CENPH: variants seen among roughly 807,000 people sequenced by gnomAD.
CENPH encodes CENP-H.
CENPH carries 40 observed loss-of-function variants against 42.9 expected under a neutral mutation model. The ratio of observed to expected loss-of-function variants is 0.93; its 90% CI spans 0.72 to 1.21. The LOEUF (loss-of-function observed/expected upper bound fraction) is 1.21. CENPH is among the 50% of genes most tolerant of loss of function. CENPH has a pLI of 0.00. For synonymous variants in CENPH, 88 were observed against 96.5 expected, an observed-to-expected ratio of 0.91 and a Z score of 0.52; for missense variants, 302 against 292.9, an observed-to-expected ratio of 1.03 and a Z score of -0.23.
Position 69,189,660 on chromosome 5 carries a change from A to G in CENPH, c.26A>G (p.Asp9Gly). 1 of 1,601,150 alleles carries G rather than the reference A, an allele frequency of 6.2e-7. No individual in the cohort carries two copies. Among genetic ancestry groups the G allele is most frequent in the Non-Finnish European group, 8.5e-7 (1 of 1,175,850 alleles). MEEQPQMQDADEPADSGGE... is the reference protein window; with the variant it reads MEEQPQMQGADEPADSGGE... ...ATGGAGGAGCAGCCCCAGATGCAAG[A>G]CGCCGACGAGCCCGCGGACTCCGGA... The change falls in exon 1 of 9, where the codon GAC becomes GGC. Residue 9 changes from aspartate (D) to glycine (G), a missense_variant. By Grantham distance (94) the Asp-to-Gly change is moderately conservative (BLOSUM62 -1). Transcript: ENST00000283006.
intron 3 of CENPH, 129 bp from the exon 4 acceptor site, chr5:69,195,588 T>C (rs1580224669): frequency 1.6e-6 from 1 of 611,028 alleles, no homozygotes; most frequent in Non-Finnish European, 2.9e-6. Context: ...CATTGGTATA[T>C]TGAGCCTGTA....
Position 69,194,645 on chromosome 5 carries a change from A to G in CENPH, c.191-2A>G, listed in dbSNP as rs1390382768. ...TAACTTCAAAAAATTATTTATTTGC[A>G]GGTGAAGAAAAAACTCCAGAACAAA... On this transcript the variant is annotated splice_acceptor_variant, in intron 2 of 8. Coordinates refer to ENST00000283006, the MANE Select transcript of CENPH (RefSeq NM_022909.4). LOFTEE classifies it high-confidence loss of function. 1 of 1,561,146 alleles carries G rather than the reference A, an allele frequency of 6.4e-7. No homozygotes were observed.
chr5:69,200,878 C>T (rs998094657), intron 5 of CENPH, among the ~76,000 whole-genome samples: 14 of 151,620 alleles, frequency 9.2e-5, no homozygotes, highest in Non-Finnish European at 1.9e-4. Context: ...GCTGGGATTA[C>T]AGACACACAC....
In CENPH at chr5:69,197,084, C is replaced by T; in HGVS notation, c.346C>T (p.Leu116=). The T allele has an allele frequency of 1.3e-6, 2 of 1,580,452 alleles. No individual in the cohort carries two copies. The highest frequency in any genetic ancestry group is 1.7e-4 in the Middle Eastern group (1 of 5,908). Residue 116 remains leucine, a synonymous_variant, in exon 5 of 9, where the codon CTG becomes TTG. Transcript: ENST00000283006. ...ACTTTCAACTGCACTTAAAAAAAAC[C>T]TGGAGAAAATTAGCAGACAGTCTAG... ...MRLSTALKKN[L]EKISRQSSVL...
chr5:69,190,682 C>G (rs1289650928), intron 1 of CENPH, among the ~76,000 whole-genome samples: 7 of 152,152 alleles, frequency 4.6e-5, no homozygotes, highest in Non-Finnish European at 8.8e-5. Context: ...GAGTTCAAGA[C>G]CAGCCTGGCC....
intron 1 of CENPH, among the ~76,000 whole-genome samples, chr5:69,190,221 T>G (rs935836041): frequency 6.6e-6 from 1 of 152,218 alleles, no homozygotes; most frequent in Admixed American, 6.5e-5. Flanking sequence ...AAGCGGTTGC[T>G]GGGGAAGATT....
intron 2 of CENPH, among the ~76,000 whole-genome samples, chr5:69,192,985 A>T (rs958273592): frequency 7.5e-5 from 7 of 92,890 alleles, no homozygotes; most frequent in African/African-American, 3.6e-4. Context: ...AAGCTCAGCT[A>T]CTCGGGGAGG....
chr5:69,190,356 A>G (rs1030126034), intron 1 of CENPH, among the ~76,000 whole-genome samples: 1 of 152,200 alleles, frequency 6.6e-6, no homozygotes, highest in Non-Finnish European at 1.5e-5. Context: ...TAAGTGTTGC[A>G]GGGAAAAGAT....
intron 5 of CENPH, among the ~76,000 whole-genome samples, chr5:69,199,844 G>A (rs1000265076): frequency 5.9e-5 from 9 of 152,272 alleles, no homozygotes; most frequent in Middle Eastern, 3.4e-3. Context: ...CCGGTGCGGT[G>A]GCTCACGCCT....
intron 7 of CENPH, among the ~76,000 whole-genome samples, chr5:69,207,101 AT>A (rs945576284): frequency 1.3e-5 from 2 of 152,180 alleles, no homozygotes; most frequent in African/African-American, 4.8e-5. Context: ...AAATACATCC[AT>A]TTATATTTCC....
At chr5:69,207,757 G>A (rs981884466) in intron 7 of CENPH, 6 of 152,284 alleles carry the variant, frequency 3.9e-5, no homozygotes, top group African/African-American at 1.4e-4. Context: ...GCTGCAGTGA[G>A]CCGAGATTGT....
intron 5 of CENPH, among the ~76,000 whole-genome samples, chr5:69,201,693 T>C (rs1748061337): frequency 6.6e-6 from 1 of 152,154 alleles, no homozygotes; most frequent in Non-Finnish European, 1.5e-5. Flanking sequence ...ACCCCGTCTC[T>C]ACAAAAAATG....
chr5:69,197,988 T>C (rs1350383524), intron 5 of CENPH, among the ~76,000 whole-genome samples: 1 of 136,050 alleles, frequency 7.4e-6, no homozygotes, highest in Non-Finnish European at 1.5e-5. Context: ...TGGCACGATC[T>C]CGGCTCACTG....
intron 7 of CENPH, among the ~76,000 whole-genome samples, chr5:69,204,588 C>T (rs924054847): frequency 8.6e-5 from 9 of 104,352 alleles, no homozygotes; most frequent in African/African-American, 3.3e-4. Flanking sequence ...CCACACCTGG[C>T]TTGTATTTCT....
chr5:69,193,163 G>GTA (rs996568045), intron 2 of CENPH, among the ~76,000 whole-genome samples: 1 of 150,202 alleles, frequency 6.7e-6, no homozygotes, highest in African/African-American at 2.4e-5. Flanking sequence ...GTATATATAT[G>GTA]TATATATATG....
At position 69,210,027 on chromosome 5, in the gene CENPH, A is replaced by C. The variant is rs60113639; in HGVS notation, c.*228A>C. The C allele has an allele frequency of 0.1, 30,868 of 299,642 alleles. 1,888 individuals are homozygous for C. Among genetic ancestry groups the C allele is most frequent in the South Asian group, 0.17 (3,085 of 17,652 alleles). The allele number at this position is 299,642 out of a possible 1,614,324, so 18.6% of individuals were successfully genotyped here. Reference sequence around the variant, plus strand: ...TTGTTGTTGTTGTTTTTTGAGATGGAGTCTCGCTTTGTTGCCCAGACTGGA... The same window carrying C: ...TTGTTGTTGTTGTTTTTTGAGATGGCGTCTCGCTTTGTTGCCCAGACTGGA... On this transcript the variant is annotated 3_prime_UTR_variant, in exon 9 of 9. Coordinates refer to ENST00000283006, the MANE Select transcript of CENPH (RefSeq NM_022909.4).
intron 3 of CENPH, among the ~76,000 whole-genome samples, chr5:69,195,093 A>C (rs932136386): frequency 2.0e-5 from 3 of 151,974 alleles, no homozygotes; most frequent in Non-Finnish European, 2.9e-5. Flanking sequence ...GCCGGGCGTG[A>C]TGGCACATGC....
chr5:69,192,838 T>A (rs1339031762), intron 2 of CENPH, among the ~76,000 whole-genome samples: 3 of 152,158 alleles, frequency 2.0e-5, no homozygotes, highest in Admixed American at 6.6e-5. Flanking sequence ...AGCTCACACC[T>A]GTAATCCCGG....
rs959633006 is a variant in CENPH, at chr5:69,199,743, T to G, written c.371+2634T>G. ...AGCTTTAAGACTGGGAGGGTCAGTT[T>G]CTATGTTTATTCAAAAGAAATCATA... is the stretch of plus-strand genomic sequence containing the variant. On this transcript the variant is annotated intron_variant, in intron 5 of 8. Transcript: ENST00000283006. Among the ~76,000 whole-genome samples, 27 of 152,170 alleles carry G rather than the reference T, an allele frequency of 1.8e-4. 1 individual carries two copies.
Sources: gnomAD v4.1 joint callset for allele counts (sites outside exome capture counted in the v4.1 genomes callset) on GRCh38, gnomAD v4.1.1 for gene constraint, MANE v1.5 for transcripts, NCBI Gene and HGNC (gene_info 2026-07-23, HGNC 2026-07-21) for gene names.